Variants in IPCEF1 observed in about 807,000 individuals in gnomAD.
IPCEF1 encodes the protein interaction protein for cytohesin exchange factors 1.
Under a neutral mutation model 50.9 loss-of-function variants are expected in IPCEF1, and 31 were observed. The observed-to-expected ratio is 0.61, with a 90% CI of 0.46 to 0.82. The LOEUF is 0.82. Among genes scored for constraint, IPCEF1 ranks in the 40% least tolerant of loss-of-function variants. The pLI is 0.00. For missense variants in IPCEF1, 458 were observed against 514.0 expected, an observed-to-expected ratio of 0.89 and a Z score of 1.05; for synonymous variants, 181 against 192.0, an observed-to-expected ratio of 0.94 and a Z score of 0.47.
At chr6:154,195,847 A>G (rs973860756) in intron 10 of IPCEF1, among the ~76,000 whole-genome samples, 6 of 146,332 alleles carry the variant, frequency 4.1e-5, no homozygotes, top group African/African-American at 1.3e-4. Flanking sequence ...GCTGGGGTGC[A>G]GTGGTGCAAT....
intron 7 of IPCEF1, 85 bp from the exon 8 acceptor site, chr6:154,214,361 AG>A: frequency 2.1e-6 from 2 of 932,514 alleles, no homozygotes. Context: ...TTATGAAATT[AG>A]GTCATGATTC....
At chr6:154,322,616 T>A (rs1783412724) in intron 1 of IPCEF1, among the ~76,000 whole-genome samples, 1 of 151,892 alleles carries the variant, frequency 6.6e-6, no homozygotes, top group Non-Finnish European at 1.5e-5. Flanking sequence ...GGGAGGCAGA[T>A]CAATGAGGCC....
intron 9 of IPCEF1, among the ~76,000 whole-genome samples, chr6:154,209,670 A>AT (rs1777805271): frequency 6.6e-6 from 1 of 151,508 alleles, no homozygotes; most frequent in Non-Finnish European, 1.5e-5. Context: ...AAGTTACTAT[A>AT]TATTTTTTTT....
chr6:154,208,392 G>A (rs563142754), intron 9 of IPCEF1, among the ~76,000 whole-genome samples: 7 of 152,218 alleles, frequency 4.6e-5, no homozygotes, highest in Admixed American at 1.3e-4. Context: ...GCTCTCAGTC[G>A]GACGTGTCCT....
chr6:154,193,867 C>T (rs1021757390), intron 10 of IPCEF1, among the ~76,000 whole-genome samples: 1 of 152,208 alleles, frequency 6.6e-6, no homozygotes, highest in Non-Finnish European at 1.5e-5. Context: ...TTTCCATACT[C>T]TATACAGACA....
chr6:154,322,443 T>C (rs1242278565), intron 1 of IPCEF1, among the ~76,000 whole-genome samples: 1 of 151,994 alleles, frequency 6.6e-6, no homozygotes, highest in African/African-American at 2.4e-5. Flanking sequence ...TGCTATCACA[T>C]ACTTCTGCTA....
intron 1 of IPCEF1, among the ~76,000 whole-genome samples, chr6:154,313,864 C>T (rs1294126852): frequency 6.6e-6 from 1 of 152,106 alleles, no homozygotes; most frequent in Non-Finnish European, 1.5e-5. Context: ...CCTTCTCAGC[C>T]TCCCAAGTAG....
intron 2 of IPCEF1, among the ~76,000 whole-genome samples, chr6:154,270,564 A>G (rs1781875934): frequency 6.6e-6 from 1 of 152,230 alleles, no homozygotes; most frequent in Non-Finnish European, 1.5e-5. Context: ...TGTGTAGTAT[A>G]TCATATTAAT....
At chr6:154,267,026 A>G (rs1781773933) in intron 2 of IPCEF1, among the ~76,000 whole-genome samples, 1 of 152,166 alleles carries the variant, frequency 6.6e-6, no homozygotes, top group African/African-American at 2.4e-5. Context: ...CTCCTTTTTC[A>G]TATTAAAAAT....
At chr6:154,246,498 A>C in intron 5 of IPCEF1, 93 bp downstream of exon 5, 1 of 1,393,164 alleles carries the variant, frequency 7.2e-7, no homozygotes, top group African/African-American at 1.4e-5. Context: ...AATTCCCAGA[A>C]ATCAAAATGA....
chr6:154,229,036 C>T (rs1355733432), intron 5 of IPCEF1, among the ~76,000 whole-genome samples: 1 of 152,230 alleles, frequency 6.6e-6, no homozygotes, highest in Non-Finnish European at 1.5e-5. Context: ...ATTTCCAAAA[C>T]TTTTTCCCTA....
chr6:154,256,587 C>G (rs904766761), intron 3 of IPCEF1, among the ~76,000 whole-genome samples: 6 of 151,062 alleles, frequency 4.0e-5, no homozygotes, highest in African/African-American at 9.7e-5. Flanking sequence ...GTGTGTGTGT[C>G]TCTCTCACAC....
chr6:154,286,953 G>A (rs1782375303), intron 2 of IPCEF1, among the ~76,000 whole-genome samples: 1 of 152,208 alleles, frequency 6.6e-6, no homozygotes, highest in Non-Finnish European at 1.5e-5. Flanking sequence ...GAGGTGACTG[G>A]ATCACGGGGG....
At chr6:154,238,849 T>C (rs945483697) in intron 5 of IPCEF1, among the ~76,000 whole-genome samples, 2 of 151,964 alleles carry the variant, frequency 1.3e-5, no homozygotes, top group Non-Finnish European at 1.5e-5. Context: ...CCTGGCCCTA[T>C]TGTATAATCT....
At chr6:154,276,428 A>G (rs918083361) in intron 2 of IPCEF1, among the ~76,000 whole-genome samples, 17 of 152,198 alleles carry the variant, frequency 1.1e-4, no homozygotes, top group African/African-American at 3.6e-4. Flanking sequence ...TACTGTATAT[A>G]ATCATGGTGA....
intron 5 of IPCEF1, among the ~76,000 whole-genome samples, chr6:154,238,013 T>C (rs1185938576): frequency 6.6e-6 from 1 of 152,210 alleles, no homozygotes; most frequent in Non-Finnish European, 1.5e-5. Flanking sequence ...TGATTTTAGA[T>C]TCTATGCATT....
intron 5 of IPCEF1, among the ~76,000 whole-genome samples, chr6:154,238,541 T>C (rs112843504): frequency 1.3e-5 from 2 of 152,216 alleles, no homozygotes; most frequent in African/African-American, 4.8e-5. Flanking sequence ...GCTGGGATCA[T>C]AGGCATGAGC....
chr6:154,295,394 C>A (rs1475665525), intron 1 of IPCEF1, among the ~76,000 whole-genome samples: 1 of 152,168 alleles, frequency 6.6e-6, no homozygotes, highest in Non-Finnish European at 1.5e-5. Context: ...TTGGCAGCTG[C>A]CACTCCATTG....
At chr6:154,247,264 C>A in intron 4 of IPCEF1, 185 bp downstream of exon 4, 1 of 567,110 alleles carries the variant, frequency 1.8e-6, no homozygotes, top group Non-Finnish European at 3.2e-6. Flanking sequence ...GGGATTAATC[C>A]AAATGAACAA....
Sources: gnomAD v4.1 joint callset for allele counts (sites outside exome capture counted in the v4.1 genomes callset) on GRCh38, gnomAD v4.1.1 for gene constraint, MANE v1.5 for transcripts, NCBI Gene and HGNC (gene_info 2026-07-23, HGNC 2026-07-21) for gene names.